The following C11orf65 variants were observed in gnomAD, a reference collection of about 807,000 sequenced individuals.
C11orf65 encodes the protein protein MFI.
Under a neutral mutation model 35.3 loss-of-function variants are expected in C11orf65, and 38 were observed. The observed-to-expected ratio is 1.08, with a 90% CI of 0.83 to 1.41. C11orf65 has a LOEUF of 1.41. Ranked by LOEUF, C11orf65 falls within the 40% of genes most tolerant of loss-of-function variation. The pLI, the probability that C11orf65 is intolerant of heterozygous loss-of-function variation, is 0.00. For missense variants in C11orf65, 370 were observed against 367.1 expected (o/e 1.01, Z -0.06); for synonymous variants, 105 against 114.4 (o/e 0.92, Z 0.53).
chr11:108,379,466 G>T (rs1375483505), downstream of C11orf65, among the ~76,000 whole-genome samples: 2 of 136,028 alleles, frequency 1.5e-5, no homozygotes, highest in East Asian at 2.4e-4. Flanking sequence ...TCACACTCTG[G>T]GGACTGTTGT....
rs587778079 is a variant in C11orf65 at position 108,332,006 on chromosome 11, A to G, written c.300-439T>C. 35 of 1,613,900 alleles carry G rather than the reference A, an allele frequency of 2.2e-5. No homozygotes were observed. In the Admixed American group the frequency reaches 5.7e-4, roughly 26 times the overall value. ...GCCAGAAGAAGCAGAATAACTAAAA[A>G]TGTGCCTAAACAAAGCTCTCAGCTT... On this transcript the variant is annotated intron_variant, in intron 3 of 3. Transcript: ENST00000524755.
intron 1 of C11orf65, among the ~76,000 whole-genome samples, chr11:108,465,311 A>ATTT (rs1485316116): frequency 2.0e-5 from 3 of 152,234 alleles, no homozygotes; most frequent in Non-Finnish European, 4.4e-5. Context: ...AAGCTGCCAA[A>ATTT]AAAGTATGTC....
At chr11:108,364,659 G>A (rs2091146194) in intron 2 of C11orf65, among the ~76,000 whole-genome samples, 1 of 152,176 alleles carries the variant, frequency 6.6e-6, no homozygotes, top group South Asian at 2.1e-4. Context: ...TTAGGAGTGA[G>A]GTCCAAATAG....
upstream of C11orf65, among the ~76,000 whole-genome samples, chr11:108,469,666 C>A (rs1055459027): frequency 6.6e-6 from 1 of 152,034 alleles, no homozygotes; most frequent in East Asian, 1.9e-4. Flanking sequence ...TCAGCAATTT[C>A]TACATAACAG....
In C11orf65 at chr11:108,317,418, A is replaced by G. The variant is rs1239942908; in HGVS notation, c.641-8347T>C. 1.2e-6 allele frequency: 2 copies of G among 1,612,438 alleles called. No homozygotes were observed. Among genetic ancestry groups the G allele is most frequent in the Admixed American group, 3.3e-5 (2 of 59,880 alleles). On this transcript the variant is annotated intron_variant, in intron 6 of 6. Transcript: ENST00000525729. ...CTGCCATATTCTTTCCGTCTATTTA[A>G]AAGGATTGGATTATGAAAATAAAGA...
At chr11:108,463,328 A>G (rs905909914) in intron 1 of C11orf65, among the ~76,000 whole-genome samples, 27 of 152,088 alleles carry the variant, frequency 1.8e-4, no homozygotes, top group Non-Finnish European at 2.6e-4. Context: ...TCAACTTGCC[A>G]TTTTTCCCTT....
At chr11:108,341,690 A>G (rs994575037) in intron 2 of C11orf65, among the ~76,000 whole-genome samples, 28 of 152,362 alleles carry the variant, frequency 1.8e-4, no homozygotes, top group African/African-American at 6.5e-4. Flanking sequence ...AACAAAAAGG[A>G]TCATTTTAAT....
chr11:108,446,781 A>G (rs2093268378), intron 2 of C11orf65, among the ~76,000 whole-genome samples: 1 of 149,278 alleles, frequency 6.7e-6, no homozygotes, highest in African/African-American at 2.5e-5. Context: ...TACACATAAC[A>G]ATATTAACTT....
At chr11:108,313,662 G>T (rs1477432959) in intron 6 of C11orf65, among the ~76,000 whole-genome samples, 1 of 151,752 alleles carries the variant, frequency 6.6e-6, no homozygotes, top group Non-Finnish European at 1.5e-5. Context: ...GGAATATCGT[G>T]TGTGTACTAA....
At chr11:108,410,637 G>A (rs1043070339) in intron 3 of C11orf65, among the ~76,000 whole-genome samples, 6 of 151,612 alleles carry the variant, frequency 4.0e-5, no homozygotes, top group African/African-American at 7.3e-5. Context: ...TTACAGATGC[G>A]AACCACCCTG....
chr11:108,355,656 C>T (rs2089816940), intron 2 of C11orf65: 1 of 152,198 alleles, frequency 6.6e-6, no homozygotes. Context: ...GGACTGGCTG[C>T]ATGTTAGTAT....
chr11:108,313,337 T>C (rs1040193834), intron 6 of C11orf65, among the ~76,000 whole-genome samples: 1 of 152,202 alleles, frequency 6.6e-6, no homozygotes, highest in Non-Finnish European at 1.5e-5. Context: ...TGTTCTCTTT[T>C]AGGTATCACC....
intron 2 of C11orf65, among the ~76,000 whole-genome samples, chr11:108,339,434 G>T (rs567754539): frequency 3.3e-5 from 5 of 151,906 alleles, no homozygotes; most frequent in Non-Finnish European, 7.4e-5. Flanking sequence ...GACATTCACT[G>T]AATATAATGA....
intron 2 of C11orf65, among the ~76,000 whole-genome samples, chr11:108,362,764 A>G (rs1442491349): frequency 7.3e-6 from 1 of 136,716 alleles, no homozygotes; most frequent in African/African-American, 2.7e-5. Flanking sequence ...ACACATGGAC[A>G]CAGGAAGGGG....
rs1800060 is a variant in C11orf65 at position 108,317,409 on chromosome 11, G to A, written c.641-8338C>T. ...TTTGGGACTCTGCCATATTCTTTCC[G>A]TCTATTTAAAAGGATTGGATTATGA... On this transcript the variant is annotated intron_variant, in intron 6 of 6. Coordinates refer to the C11orf65 transcript ENST00000525729. 2,761 of 1,611,760 alleles carry A rather than the reference G, an allele frequency of 1.7e-3. 16 individuals carry two copies. In the African/African-American group the frequency reaches 0.018, roughly 10 times the overall value.
At chr11:108,440,384 G>A (rs2093132364) in intron 2 of C11orf65, among the ~76,000 whole-genome samples, 1 of 152,212 alleles carries the variant, frequency 6.6e-6, no homozygotes, top group African/African-American at 2.4e-5. Flanking sequence ...AATGACTGAG[G>A]CTTCAGCGGG....
intron 2 of C11orf65, among the ~76,000 whole-genome samples, chr11:108,369,712 C>A (rs2091496009): frequency 6.6e-6 from 1 of 152,116 alleles, no homozygotes; most frequent in Non-Finnish European, 1.5e-5. Context: ...GAAATATATA[C>A]TTTCATTGTG....
At chr11:108,452,316 A>G (rs1156990928) in intron 2 of C11orf65, among the ~76,000 whole-genome samples, 1 of 152,182 alleles carries the variant, frequency 6.6e-6, no homozygotes, top group African/African-American at 2.4e-5. Flanking sequence ...CAAGAAAAAA[A>G]TCAAACCACC....
rs763032120 is a variant in C11orf65 at position 108,461,448 on chromosome 11, A to T, written c.81+31T>A. On this transcript the variant is annotated intron_variant, in intron 2 of 8. Coordinates refer to ENST00000393084, the MANE Select transcript of C11orf65 (RefSeq NM_152587.5). ...CTTTAAATTTTATGACATAAAAATT[A>T]TATTTCAATAAAACTTCTAAATAAA... 5 of 1,496,020 alleles carry T rather than the reference A, an allele frequency of 3.3e-6. No homozygotes were observed. In the South Asian group the frequency reaches 6.0e-5, roughly 18 times the overall value. 92.7% of individuals were successfully genotyped at this position (1,496,020 alleles called of 1,614,324 possible).
Sources: gnomAD v4.1 joint callset for allele counts (sites outside exome capture counted in the v4.1 genomes callset) on GRCh38, gnomAD v4.1.1 for gene constraint, MANE v1.5 for transcripts, NCBI Gene and HGNC (gene_info 2026-07-23, HGNC 2026-07-21) for gene names.